ITGAE: variants seen among roughly 807,000 people sequenced by gnomAD.
ITGAE encodes the protein integrin subunit alpha E.
In ITGAE, 99 loss-of-function variants were observed where a neutral mutation model predicts 136.5. The observed-to-expected ratio is 0.73, with a 90% CI of 0.62 to 0.86. ITGAE has a LOEUF of 0.86. Ranked by LOEUF, ITGAE falls within the 40% of genes least tolerant of loss-of-function variation. The pLI, the probability that ITGAE is intolerant of heterozygous loss-of-function variation, is 0.00. For synonymous variants in ITGAE, 613 were observed against 591.8 expected, an observed-to-expected ratio of 1.04 and a Z score of -0.52; for missense variants, 1,447 against 1,515.3, an observed-to-expected ratio of 0.95 and a Z score of 0.75.
chr17:3,735,500 A>G (rs563481350), intron 20 of ITGAE, among the ~76,000 whole-genome samples: 17 of 151,980 alleles, frequency 1.1e-4, no homozygotes, highest in Non-Finnish European at 2.4e-4. Flanking sequence ...TTTTGTAGAG[A>G]CAGGGTCTCG....
Position 3,738,181 on chromosome 17 carries a change from C to G in ITGAE, c.2522+1624G>C, listed in dbSNP as rs117546190. Among the ~76,000 whole-genome samples, 686 of 152,028 alleles carry G rather than the reference C, an allele frequency of 4.5e-3. 13 individuals are homozygous for G. Among genetic ancestry groups the G allele is most frequent in the Admixed American group, 0.029 (447 of 15,256 alleles). On this transcript the variant is annotated intron_variant, in intron 20 of 30. Transcript: ENST00000263087. ...TTGTTTTGTTTTGTTACCCTCCCCCCCTCCCCGTTTTTGGAGTCTTGCTCT... is the reference window on the plus strand; with the variant it reads ...TTGTTTTGTTTTGTTACCCTCCCCCGCTCCCCGTTTTTGGAGTCTTGCTCT...
intron 4 of ITGAE, 51 bp downstream of exon 4, chr17:3,761,864 G>C: frequency 1.3e-6 from 2 of 1,507,102 alleles, no homozygotes; most frequent in Non-Finnish European, 1.8e-6. Context: ...CAACCACGAG[G>C]GCTAGCACCA....
At chr17:3,772,999 A>G (rs73318129) in intron 2 of ITGAE, among the ~76,000 whole-genome samples, 20,869 of 152,104 alleles carry the variant, frequency 0.14, 1,836 homozygotes, top group African/African-American at 0.24. Flanking sequence ...AGGTAGCATC[A>G]GCCCTCACAG....
In ITGAE at chr17:3,766,792, AAATAATAATAATAATAATAAT is replaced by A. The variant is rs146384772; in HGVS notation, c.156-2853_156-2833del. On this transcript the variant is annotated intron_variant, in intron 2 of 30. Coordinates refer to ENST00000263087, the MANE Select transcript of ITGAE (RefSeq NM_002208.5). Reference sequence around the variant, plus strand: ...ACTCCAGCCTGGGTGAAAGAGTGCAAAATAATAATAATAATAATAATAATAATAATAATAATAATAATAATA... The same window carrying A: ...ACTCCAGCCTGGGTGAAAGAGTGCAAAATAATAATAATAATAATAATAATA... Among the ~76,000 whole-genome samples the A allele has an allele frequency of 7.9e-3, 1,085 of 136,906 alleles. 17 individuals are homozygous for A. Among genetic ancestry groups the A allele is most frequent in the African/African-American group, 0.026 (981 of 37,264 alleles). The allele number at this position is 136,906 out of a possible 152,430, so 89.8% of individuals were successfully genotyped here.
intron 12 of ITGAE, 111 bp downstream of exon 12, chr17:3,755,006 G>A (rs1222194162): frequency 1.9e-6 from 2 of 1,071,548 alleles, no homozygotes; most frequent in South Asian, 1.8e-5. Context: ...CCTCGCCCAG[G>A]TAGGCCCCGC....
intron 1 of ITGAE, among the ~76,000 whole-genome samples, chr17:3,787,885 C>A (rs959008050): frequency 6.6e-6 from 1 of 151,904 alleles, no homozygotes; most frequent in African/African-American, 2.4e-5. Context: ...ATGGGCTTTT[C>A]GCCATGTTGG....
rs184111840 is a variant in ITGAE at position 3,799,929 on chromosome 17, A to G, written c.34+1182T>C. ...CACCTGAGGGCAGGAGACCAGCCTG[A>G]CCAATATGGTGAGACCCTGTCTCTA... On this transcript the variant is annotated intron_variant, in intron 1 of 30. Coordinates refer to ENST00000263087, the MANE Select transcript of ITGAE (RefSeq NM_002208.5). The surrounding 1 kb of genome is among the most constrained non-coding windows in gnomAD (Gnocchi z 4.1). 3.5e-3 allele frequency among the ~76,000 whole-genome samples: 537 copies of G among 152,210 alleles called. 5 individuals are homozygous for G. The Middle Eastern group carries it at 0.044, about 13-fold the overall frequency.
rs1237514242 is a variant in ITGAE, at chr17:3,731,165, A to G, written c.2773T>C (p.Trp925Arg). 2 of 1,613,764 alleles carry G rather than the reference A, an allele frequency of 1.2e-6. No homozygotes were observed. The highest frequency in any genetic ancestry group is 1.7e-5 in the Admixed American group (1 of 59,992). The change falls in exon 23 of 31, where the codon TGG (tryptophan) becomes CGG (arginine). Residue 925 changes from tryptophan to arginine, a missense_variant. Physicochemically the swap from Trp to Arg is moderately radical, Grantham distance 101. This residue lies in a region of ITGAE where 1,031 missense variants were observed against 1,011.4 expected (regional missense o/e 1.02). Transcript: ENST00000263087. ...GGAAAGGCATTCTCCTCTAGCTGCC[A>G]AACGACTGAAACATGAGCCTATTTT... ...KRSSAHVSVV[W>R]QLEENAFPNR...
chr17:3,756,985 T>G lies in ITGAE; in HGVS notation c.1170A>C (p.Glu390Asp), dbSNP rs778918120. 1.6e-5 allele frequency: 26 copies of G among 1,613,038 alleles called. No homozygotes were observed. The highest frequency in any genetic ancestry group is 2.2e-5 in the Non-Finnish European group (26 of 1,179,452). The change falls in exon 10 of 31, where the codon GAA becomes GAC. Residue 390 changes from glutamate to aspartate, a missense_variant and splice_region_variant. Transcript: ENST00000263087. Reference protein sequence around the residue: ...SKLRYNIISMEGTVGDALHYQ... With the variant: ...SKLRYNIISMDGTVGDALHYQ... ...TGGCCTGGGTCCCGGAGCCCTCACCTTCCATGCTGATGATGTTGTACCGCA... is the reference window on the plus strand; with the variant it reads ...TGGCCTGGGTCCCGGAGCCCTCACCGTCCATGCTGATGATGTTGTACCGCA...
chr17:3,739,761 G>T, intron 20 of ITGAE, 44 bp downstream of exon 20: 1 of 1,540,394 alleles, frequency 6.5e-7, no homozygotes, highest in Non-Finnish European at 9.0e-7. Flanking sequence ...GCAAGCGTTC[G>T]GGAGAAGGTT....
At chr17:3,741,403 A>G (rs2143014649) in intron 19 of ITGAE, among the ~76,000 whole-genome samples, 1 of 152,092 alleles carries the variant, frequency 6.6e-6, no homozygotes, top group East Asian at 1.9e-4. Flanking sequence ...TGTATTTTTA[A>G]TATAGCCACA....
chr17:3,749,191 C>T (rs113661289), intron 16 of ITGAE, among the ~76,000 whole-genome samples: 2,192 of 146,496 alleles, frequency 0.015, 36 homozygotes, highest in South Asian at 0.048. Context: ...TTTGCTGAGA[C>T]AGAAAGCCTG....
intron 2 of ITGAE, among the ~76,000 whole-genome samples, chr17:3,772,235 G>A (rs890708408): frequency 7.2e-5 from 11 of 151,988 alleles, no homozygotes; most frequent in Non-Finnish European, 1.3e-4. Context: ...TACCTCGGAC[G>A]TCCCCCAACA....
chr17:3,796,169 C>CTGTG (rs2053095515), intron 1 of ITGAE, among the ~76,000 whole-genome samples: 1 of 19,858 alleles, frequency 5.0e-5, no homozygotes, highest in Non-Finnish European at 1.2e-4. Flanking sequence ...GTGTGTGCAT[C>CTGTG]CGTGTGTGTG....
chr17:3,724,321 C>A, intron 26 of ITGAE: 1 of 1,587,744 alleles, frequency 6.3e-7, no homozygotes. Context: ...TGCAGCACAC[C>A]CTGCGGCCCG....
At chr17:3,793,253 CA>C (rs1195221434) in intron 1 of ITGAE, among the ~76,000 whole-genome samples, 1 of 152,134 alleles carries the variant, frequency 6.6e-6, no homozygotes, top group African/African-American at 2.4e-5. Flanking sequence ...GGGGTTTCGC[CA>C]TATTGGCCAG....
chr17:3,756,132 C>A (rs1365119654), intron 10 of ITGAE, among the ~76,000 whole-genome samples: 1 of 151,852 alleles, frequency 6.6e-6, no homozygotes, highest in Non-Finnish European at 1.5e-5. Context: ...AGGGACTATG[C>A]CCCAGCCATC....
chr17:3,783,667 T>C (rs1350328157), intron 1 of ITGAE, among the ~76,000 whole-genome samples: 2 of 152,188 alleles, frequency 1.3e-5, no homozygotes, highest in Non-Finnish European at 2.9e-5. Context: ...TGCAAATATT[T>C]TTTCCAATTA....
At chr17:3,792,422 T>C (rs2143482452) in intron 1 of ITGAE, among the ~76,000 whole-genome samples, 1 of 152,306 alleles carries the variant, frequency 6.6e-6, no homozygotes, top group South Asian at 2.1e-4. Flanking sequence ...CGGCCTGATA[T>C]CTATATTTTA....
Sources: gnomAD v4.1 joint callset for allele counts (sites outside exome capture counted in the v4.1 genomes callset) on GRCh38, gnomAD v4.1.1 for gene constraint, gnomAD v4.1.1 regional missense constraint, Gnocchi (gnomAD v3.1) non-coding constraint, MANE v1.5 for transcripts, NCBI Gene and HGNC (gene_info 2026-07-23, HGNC 2026-07-21) for gene names.